Variants in ADGRL1 observed in about 807,000 individuals in gnomAD.
ADGRL1 encodes adhesion G protein-coupled receptor L1.
In ADGRL1, 31 loss-of-function variants were observed where a neutral mutation model predicts 148.9. The ratio of observed to expected loss-of-function variants is 0.21; its 90% CI spans 0.16 to 0.28. The LOEUF (loss-of-function observed/expected upper bound fraction) is 0.28. Ranked by LOEUF, ADGRL1 falls within the 10% of genes least tolerant of loss-of-function variation. ADGRL1 has a pLI of 1.00. For synonymous variants in ADGRL1, 937 were observed against 900.3 expected, an observed-to-expected ratio of 1.04 and a Z score of -0.73; for missense variants, 1,521 against 2,058.8, an observed-to-expected ratio of 0.74 and a Z score of 5.05.
In ADGRL1 at chr19:14,150,669, G is replaced by A; in HGVS notation, c.*204C>T. 1 of 600,120 alleles carries A rather than the reference G, an allele frequency of 1.7e-6. No individual in the cohort carries two copies. Among genetic ancestry groups the A allele is most frequent in the Non-Finnish European group, 2.9e-6 (1 of 349,108 alleles). The allele number at this position is 600,120 out of a possible 1,614,324, so 37.2% of individuals were successfully genotyped here. A position where few individuals can be genotyped will look rare whatever the true frequency, so the allele number is the denominator to read the frequency against. On this transcript the variant is annotated 3_prime_UTR_variant, in exon 23 of 23. Coordinates refer to ENST00000361434, the MANE Select transcript of ADGRL1 (RefSeq NM_014921.5). ...CCAAATAGAGCTGGTGCGTGTGGCT[G>A]GTGGGAAACCCTGTCTGTGAACCCT...
rs1968927283 is a variant in ADGRL1 at position 14,157,830 on chromosome 19, G to A, written c.2535+52C>T. Reference sequence around the variant, plus strand: ...TGATCTCTCTAGGATGCCATGCAAAGCCAGGCCAGCAATCGGGCCTGCCTG... The same window carrying A: ...TGATCTCTCTAGGATGCCATGCAAAACCAGGCCAGCAATCGGGCCTGCCTG... On this transcript the variant is annotated intron_variant, in intron 13 of 22. Coordinates refer to ENST00000361434, the MANE Select transcript of ADGRL1 (RefSeq NM_014921.5). This position sits in a 1 kb window ranked among gnomAD's most constrained non-coding sequence, Gnocchi z 7.5. 5 of 1,596,146 alleles carry A rather than the reference G, an allele frequency of 3.1e-6. No individual in the cohort carries two copies. Among genetic ancestry groups the A allele is most frequent in the Non-Finnish European group, 4.3e-6 (5 of 1,170,460 alleles).
chr19:14,163,465 GGAGAGAGA>G lies in ADGRL1; in HGVS notation c.395-67_395-60del, dbSNP rs71170599. 4,491 of 699,040 alleles carry G rather than the reference GGAGAGAGA, an allele frequency of 6.4e-3. 18 individuals carry two copies. The highest frequency in any genetic ancestry group is 0.029 in the African/African-American group (1,237 of 42,864). 43.3% of individuals were successfully genotyped at this position (699,040 alleles called of 1,614,324 possible). A position where few individuals can be genotyped will look rare whatever the true frequency, so the allele number is the denominator to read the frequency against. ...AGAGAAGGGGCAGAGGCGAGAGGGA[GGAGAGAGA>G]GAGAGAGAGAGAGAGAGAGAGAGAG... On this transcript the variant is annotated intron_variant, in intron 4 of 22. Coordinates refer to ENST00000361434, the MANE Select transcript of ADGRL1 (RefSeq NM_014921.5).
At position 14,149,579 on chromosome 19, in the gene ADGRL1, C is replaced by T. The variant is rs1049326248; in HGVS notation, c.*1294G>A. ...GGGTGTGAAGAGGTCTCCCCCGGGC[C>T]GGTGGGGAGGGAAGGGGGAGACAGG... On this transcript the variant is annotated 3_prime_UTR_variant, in exon 23 of 23. Transcript: ENST00000361434. 2 of 152,566 alleles carry T rather than the reference C, an allele frequency of 1.3e-5. No individual in the cohort carries two copies. The highest frequency in any genetic ancestry group is 2.4e-5 in the African/African-American group (1 of 41,412). 9.5% of individuals were successfully genotyped at this position (152,566 alleles called of 1,614,324 possible).
intron 2 of ADGRL1, among the ~76,000 whole-genome samples, chr19:14,178,136 G>A (rs1485158598): frequency 6.6e-6 from 1 of 152,114 alleles, no homozygotes; most frequent in Non-Finnish European, 1.5e-5. Flanking sequence ...TTGGAGATAA[G>A]GTCTTTATAG....
At chr19:14,178,470 A>C (rs1224973058) in intron 2 of ADGRL1, among the ~76,000 whole-genome samples, 1 of 151,842 alleles carries the variant, frequency 6.6e-6, no homozygotes, top group Admixed American at 6.6e-5. Context: ...GTGCCATTGC[A>C]CTCTAGCCTG....
At chr19:14,156,324 C>G (rs564077847) in intron 16 of ADGRL1, 123 bp from the exon 17 acceptor site, 1 of 772,860 alleles carries the variant, frequency 1.3e-6, no homozygotes, top group African/African-American at 1.7e-5. Context: ...GGGAGAACCC[C>G]GTACCTGCCC....
In ADGRL1 at chr19:14,178,020, G is replaced by T. The variant is rs143939952; in HGVS notation, c.71-276C>A. Among the ~76,000 whole-genome samples, 1,336 of 152,226 alleles carry T rather than the reference G, an allele frequency of 8.8e-3. 22 individuals carry two copies. The highest frequency in any genetic ancestry group is 0.031 in the African/African-American group (1,283 of 41,534). Reference sequence around the variant, plus strand: ...GCTTGATAAGAGTGACTGTTTTCCTGGGGTCCTCGGGCTACACCAGATATG... The same window carrying T: ...GCTTGATAAGAGTGACTGTTTTCCTTGGGTCCTCGGGCTACACCAGATATG... On this transcript the variant is annotated intron_variant, in intron 2 of 22. Coordinates refer to ENST00000361434, the MANE Select transcript of ADGRL1 (RefSeq NM_014921.5).
chr19:14,158,328 C>T lies in ADGRL1; in HGVS notation c.2364+10G>A. On this transcript the variant is annotated intron_variant, in intron 12 of 22. Coordinates refer to ENST00000361434, the MANE Select transcript of ADGRL1 (RefSeq NM_014921.5). ...GACCCCCATGGAGGGAGGGGGACGG[C>T]TCAGCTCACCTCCAGGTGGGCCACG... 6.2e-7 allele frequency: 1 copy of T among 1,612,770 alleles called. No individual in the cohort carries two copies.
At chr19:14,156,565 G>GT in intron 16 of ADGRL1, 93 bp downstream of exon 16, 2 of 813,184 alleles carry the variant, frequency 2.5e-6, no homozygotes, top group East Asian at 2.7e-5. Context: ...GTGTGTGTGT[G>GT]TGGGGGGGGT....
At chr19:14,153,076 G>A (rs1220915105) in intron 18 of ADGRL1, among the ~76,000 whole-genome samples, 164 bp from the exon 19 acceptor site, 2 of 152,174 alleles carry the variant, frequency 1.3e-5, no homozygotes, top group African/African-American at 4.8e-5. Context: ...AAGCCTTGAT[G>A]TCCCCTGTCC....
chr19:14,159,272 G>T lies in ADGRL1; in HGVS notation c.2024-57C>A. ...AGTTGGGGTCTGTTCCCAGTCCAGG[G>T]GCTCAGGCTGCAGAACGAGACTCTG... On this transcript the variant is annotated intron_variant, in intron 10 of 22. Transcript: ENST00000361434. The surrounding 1 kb of genome is among the most constrained non-coding windows in gnomAD (Gnocchi z 6.0). The T allele has an allele frequency of 6.3e-7, 1 of 1,595,884 alleles. No homozygotes were observed. The highest frequency in any genetic ancestry group is 1.7e-5 in the Admixed American group (1 of 59,126).
intron 4 of ADGRL1, among the ~76,000 whole-genome samples, chr19:14,167,887 G>A (rs1021275040): frequency 6.6e-6 from 1 of 151,866 alleles, no homozygotes; most frequent in Non-Finnish European, 1.5e-5. Flanking sequence ...GGGCCCGGGG[G>A]CCCAGGAGCT....
chr19:14,151,288 T>G lies in ADGRL1; in HGVS notation c.3995A>C (p.Tyr1332Ser). Residue 1332 changes from tyrosine (Y) to serine (S), a missense_variant, in exon 23 of 23, where the codon TAT becomes TCT. By Grantham distance (144) the Tyr-to-Ser change is moderately radical. Transcript: ENST00000361434. Reference sequence around the variant, plus strand: ...CAGCAGAGGCTCCTCCAGGGCCTTATAGAGAAGTTCAATCTCGGCCCGGTC... The same window carrying G: ...CAGCAGAGGCTCCTCCAGGGCCTTAGAGAGAAGTTCAATCTCGGCCCGGTC... ...GADRAEIELL[Y>S]KALEEPLLLP... 3 of 1,611,402 alleles carry G rather than the reference T, an allele frequency of 1.9e-6. No individual in the cohort carries two copies. The highest frequency in any genetic ancestry group is 2.5e-6 in the Non-Finnish European group (3 of 1,179,442).
At chr19:14,174,232 G>A (rs1970668036) in intron 3 of ADGRL1, among the ~76,000 whole-genome samples, 2 of 152,214 alleles carry the variant, frequency 1.3e-5, no homozygotes, top group African/African-American at 4.8e-5. Context: ...ATTTGGAGAG[G>A]TGGGAGGAAG....
In ADGRL1 at chr19:14,189,745, G is replaced by A. The variant is rs574546246; in HGVS notation, c.-95-6048C>T. Among the ~76,000 whole-genome samples the A allele has an allele frequency of 7.2e-5, 11 of 152,256 alleles. No homozygotes were observed. The South Asian group carries it at 1.4e-3, about 20-fold the overall frequency. ...TCCCTAGCTTTGCTGAGGCATCATT[G>A]ACAAATAGAAATTACATCTATTTAA... On this transcript the variant is annotated intron_variant, in intron 1 of 22. Coordinates refer to ENST00000361434, the MANE Select transcript of ADGRL1 (RefSeq NM_014921.5).
chr19:14,192,545 C>A (rs1344287337), intron 1 of ADGRL1, among the ~76,000 whole-genome samples: 2 of 142,796 alleles, frequency 1.4e-5, no homozygotes, highest in Non-Finnish European at 3.1e-5. Flanking sequence ...CCGGCCTTTT[C>A]TTTGTTTTGT....
rs200128522 is a variant in ADGRL1 at position 14,159,499 on chromosome 19, G to A, written c.1925C>T (p.Thr642Met). 25 of 1,612,946 alleles carry A rather than the reference G, an allele frequency of 1.5e-5. No homozygotes were observed. Among genetic ancestry groups the A allele is most frequent in the South Asian group, 3.3e-5 (3 of 91,044 alleles). The change falls in exon 10 of 23, where the codon ACG becomes ATG. Residue 642 changes from threonine to methionine, a missense_variant. By Grantham distance (81) the Thr-to-Met change is moderately conservative. Transcript: ENST00000361434. The surrounding 1 kb of genome is among the most constrained non-coding windows in gnomAD (Gnocchi z 6.0). ...CAGGACGTCGAGGAGCATGGTGGCC[G>A]TGTGCACCTGCTCCGTGGCATTCAT... Reference protein sequence around the residue: ...KDMNATEQVHTATMLLDVLEE... With the variant: ...KDMNATEQVHMATMLLDVLEE...
chr19:14,160,617 G>A lies in ADGRL1; in HGVS notation c.1590C>T (p.Pro530=). 1.2e-6 allele frequency: 2 copies of A among 1,610,742 alleles called. No homozygotes were observed. The highest frequency in any genetic ancestry group is 1.7e-6 in the Non-Finnish European group (2 of 1,178,646). ...CCTTCTGGGCCACCTGGTTGACCCA[G>A]GGGGAGGTGCAGTTGCTGAGGTCAG... ...RGPDLSNCTS[P]WVNQVAQKIK... The change falls in exon 7 of 23, where the codon CCC becomes CCT. Residue 530 remains proline (P), a synonymous_variant. Transcript: ENST00000361434. This position sits in a 1 kb window ranked among gnomAD's most constrained non-coding sequence, Gnocchi z 5.9.
chr19:14,154,859 C>T (rs935966301), intron 18 of ADGRL1, among the ~76,000 whole-genome samples: 3 of 152,028 alleles, frequency 2.0e-5, no homozygotes, highest in Non-Finnish European at 2.9e-5. Context: ...TCAGGTGATC[C>T]GCCCGCCTCA....
Sources: allele counts gnomAD v4.1 joint callset (sites outside exome capture counted in the v4.1 genomes callset), GRCh38; gene constraint gnomAD v4.1.1; non-coding constraint Gnocchi (gnomAD v3.1); transcripts MANE v1.5; gene names NCBI Gene and HGNC (gene_info 2026-07-23, HGNC 2026-07-21).